The following UNC13C variants were observed in gnomAD, a reference collection of about 807,000 sequenced individuals.
UNC13C encodes protein unc-13 homolog C.
A neutral mutation model predicts 245.4 loss-of-function variants in UNC13C; 174 were observed. That is an observed-to-expected ratio of 0.71 (90% CI 0.63 to 0.80). The LOEUF is 0.80. Among genes scored for constraint, UNC13C ranks in the 30% least tolerant of loss-of-function variants. The pLI is 0.00. For synonymous variants in UNC13C, 992 were observed against 895.1 expected, an observed-to-expected ratio of 1.11 and a Z score of -1.93; for missense variants, 2,829 against 2,602.9, an observed-to-expected ratio of 1.09 and a Z score of -1.89.
intron 2 of UNC13C, among the ~76,000 whole-genome samples, chr15:54,130,916 G>T (rs12591674): frequency 2.0e-5 from 3 of 151,928 alleles, no homozygotes; most frequent in East Asian, 1.9e-4. Context: ...TAAAAGTTGC[G>T]TGACCAATGG....
At chr15:53,949,485 C>G in the UNC13C span, among the ~76,000 whole-genome samples, 3 of 152,140 alleles carry the variant, frequency 2.0e-5, no homozygotes, top group Non-Finnish European at 4.4e-5. Context: ...AATAATTTCT[C>G]AAAGATTTGA....
Position 54,127,815 on chromosome 15 carries a change from AT to A in UNC13C, c.2984-15198del, listed in dbSNP as rs1277525109. ...AATATATAATATTTAATATATATAT[AT>A]TTTTAAAAGCTTGAACCTTCCTCCT... is the stretch of plus-strand genomic sequence containing the variant. On this transcript the variant is annotated intron_variant, in intron 2 of 32. Transcript: ENST00000260323. 3.5e-5 allele frequency among the ~76,000 whole-genome samples: 5 copies of A among 141,812 alleles called. No individual in the cohort carries two copies. The Admixed American group carries it at 3.7e-4, about 10-fold the overall frequency. 93.0% of individuals were successfully genotyped at this position (141,812 alleles called of 152,430 possible).
intron 19 of UNC13C, among the ~76,000 whole-genome samples, chr15:54,416,138 T>C (rs2040516520): frequency 6.6e-6 from 1 of 152,188 alleles, no homozygotes; most frequent in African/African-American, 2.4e-5. Context: ...CGTGAGGAGT[T>C]TGACTCTGTG....
At chr15:54,027,380 T>C (rs12592248) in intron 2 of UNC13C, among the ~76,000 whole-genome samples, 9,094 of 152,128 alleles carry the variant, frequency 0.06, 396 homozygotes, top group East Asian at 0.14. Flanking sequence ...TCTTTTGTTT[T>C]GTTTTTGAGA....
At chr15:53,899,790 C>T in the UNC13C span, among the ~76,000 whole-genome samples, 3 of 152,054 alleles carry the variant, frequency 2.0e-5, no homozygotes, top group Non-Finnish European at 4.4e-5. Context: ...CTCAAACTCC[C>T]GACCTCAGGT....
intron 26 of UNC13C, among the ~76,000 whole-genome samples, chr15:54,537,908 T>C (rs1482100854): frequency 1.3e-5 from 2 of 151,668 alleles, no homozygotes; most frequent in Non-Finnish European, 1.5e-5. Flanking sequence ...GGAAAAACCA[T>C]TCTGGACATA....
At chr15:54,553,784 A>G (rs1312522322) in intron 28 of UNC13C, among the ~76,000 whole-genome samples, 1 of 151,608 alleles carries the variant, frequency 6.6e-6, no homozygotes, top group Non-Finnish European at 1.5e-5. Flanking sequence ...AGCGTATATC[A>G]CTTATTAGCA....
intron 1 of UNC13C, among the ~76,000 whole-genome samples, chr15:53,995,704 G>C (rs1227995292): frequency 6.6e-6 from 1 of 152,030 alleles, no homozygotes; most frequent in African/African-American, 2.4e-5. Context: ...CCATTGTCGT[G>C]GAAGTAAATA....
At chr15:54,217,967 C>T (rs891023390) in intron 4 of UNC13C, among the ~76,000 whole-genome samples, 2 of 151,936 alleles carry the variant, frequency 1.3e-5, no homozygotes, top group East Asian at 3.9e-4. Context: ...AAGACCTATT[C>T]ACCTGAACCT....
chr15:54,112,557 T>C (rs545638617), intron 2 of UNC13C, among the ~76,000 whole-genome samples: 1 of 152,326 alleles, frequency 6.6e-6, no homozygotes, highest in African/African-American at 2.4e-5. Flanking sequence ...GATGGAACTG[T>C]CATGTTGAAT....
intron 2 of UNC13C, among the ~76,000 whole-genome samples, chr15:54,098,474 C>T (rs915471006): frequency 1.8e-4 from 28 of 152,114 alleles, no homozygotes; most frequent in African/African-American, 6.8e-4. Flanking sequence ...CCTATCCGGC[C>T]CCTCCATAGC....
At chr15:54,467,698 T>C (rs965384708) in intron 19 of UNC13C, among the ~76,000 whole-genome samples, 25 of 151,680 alleles carry the variant, frequency 1.6e-4, no homozygotes, top group Admixed American at 1.6e-3. Context: ...GTTTGACTTT[T>C]TCAGATCCCA....
At chr15:54,060,180 A>C (rs2141073873) in intron 2 of UNC13C, among the ~76,000 whole-genome samples, 1 of 152,336 alleles carries the variant, frequency 6.6e-6, no homozygotes, top group African/African-American at 2.4e-5. Flanking sequence ...GTGAACAGGC[A>C]ACCTACAGAA....
chr15:54,257,803 G>T (rs1477790518), intron 8 of UNC13C, among the ~76,000 whole-genome samples: 1 of 152,166 alleles, frequency 6.6e-6, no homozygotes, highest in Non-Finnish European at 1.5e-5. Context: ...GAAGACTGGG[G>T]GAGTTGCAGG....
chr15:53,843,280 GA>G, the UNC13C span, among the ~76,000 whole-genome samples: 21 of 151,752 alleles, frequency 1.4e-4, no homozygotes, highest in East Asian at 1.7e-3. Flanking sequence ...TCTCTACCAA[GA>G]AAAAAAACTG....
chr15:54,358,896 C>T (rs2039161850), intron 17 of UNC13C, among the ~76,000 whole-genome samples: 1 of 151,984 alleles, frequency 6.6e-6, no homozygotes, highest in African/African-American at 2.4e-5. Flanking sequence ...TGTTCCATAA[C>T]TTAGAGACAA....
intron 2 of UNC13C, among the ~76,000 whole-genome samples, chr15:54,121,464 A>G (rs35779093): frequency 0.19 from 28,869 of 152,048 alleles, 2,913 homozygotes; most frequent in South Asian, 0.28. Flanking sequence ...GGTGGTCTGG[A>G]ACTAAGTCTG....
chr15:54,338,237 A>G, intron 16 of UNC13C, 124 bp from the exon 17 acceptor site: 2 of 1,127,070 alleles, frequency 1.8e-6, no homozygotes, highest in Non-Finnish European at 2.5e-6. Flanking sequence ...ACATGGTAAG[A>G]TGACACTTAC....
At chr15:54,463,985 C>T (rs1404659456) in intron 19 of UNC13C, among the ~76,000 whole-genome samples, 1 of 152,022 alleles carries the variant, frequency 6.6e-6, no homozygotes, top group African/African-American at 2.4e-5. Context: ...TTATTAAAAT[C>T]GCAACAAATG....
Sources: allele counts gnomAD v4.1 joint callset (sites outside exome capture counted in the v4.1 genomes callset), GRCh38; gene constraint gnomAD v4.1.1; transcripts MANE v1.5; gene names NCBI Gene and HGNC (gene_info 2026-07-23, HGNC 2026-07-21).